The following LRMDA variants were observed in gnomAD, a reference collection of about 807,000 sequenced individuals.
The protein encoded by LRMDA is leucine-rich melanocyte differentiation-associated protein.
In LRMDA, 18 loss-of-function variants were observed where a neutral mutation model predicts 29.8. That is an observed-to-expected ratio of 0.60 (90% CI 0.42 to 0.90). The LOEUF is 0.90. LRMDA is among the 40% of genes least tolerant of loss of function. The pLI is 0.00. For missense variants in LRMDA, 273 were observed against 273.9 expected, an observed-to-expected ratio of 1.00 and a Z score of 0.02; for synonymous variants, 125 against 109.4, an observed-to-expected ratio of 1.14 and a Z score of -0.89.
At chr10:75,485,169 T>A (rs1207690248) in intron 2 of LRMDA, among the ~76,000 whole-genome samples, 2 of 152,316 alleles carry the variant, frequency 1.3e-5, no homozygotes, top group Non-Finnish European at 2.9e-5. Context: ...TGGACTTAGT[T>A]TTGATGATTT....
chr10:76,056,054 G>A (rs918355213), intron 4 of LRMDA, among the ~76,000 whole-genome samples: 1 of 152,222 alleles, frequency 6.6e-6, no homozygotes, highest in Admixed American at 6.5e-5. Context: ...GCACACAATT[G>A]GAGGGTGAGC....
rs191947416 is a variant in LRMDA at position 76,278,746 on chromosome 10, C to T, written c.517-45655C>T. ...CTATGGAACCTCCTCTGGCCTCTCCCTTCCTCCTGAAATACAGTAGTGTGT... is the reference window on the plus strand; with the variant it reads ...CTATGGAACCTCCTCTGGCCTCTCCTTTCCTCCTGAAATACAGTAGTGTGT... On this transcript the variant is annotated intron_variant, in intron 5 of 6. Coordinates refer to ENST00000611255, the MANE Select transcript of LRMDA (RefSeq NM_001305581.2). Among the ~76,000 whole-genome samples the T allele has an allele frequency of 4.7e-3, 716 of 152,324 alleles. 5 individuals carry two copies. Among genetic ancestry groups the T allele is most frequent in the South Asian group, 0.023 (112 of 4,826 alleles).
intron 6 of LRMDA, among the ~76,000 whole-genome samples, chr10:76,523,829 CT>C (rs1843146832): frequency 6.6e-6 from 1 of 152,166 alleles, no homozygotes; most frequent in South Asian, 2.1e-4. Context: ...CCAACTTTAA[CT>C]TTTGAAAAGC....
chr10:75,767,259 A>G (rs1843181862), intron 2 of LRMDA, among the ~76,000 whole-genome samples: 1 of 152,238 alleles, frequency 6.6e-6, no homozygotes, highest in African/African-American at 2.4e-5. Flanking sequence ...CACTCCTACC[A>G]ACAGTGTAAA....
At chr10:76,224,283 AG>A (rs1851907794) in intron 5 of LRMDA, among the ~76,000 whole-genome samples, 1 of 151,836 alleles carries the variant, frequency 6.6e-6, no homozygotes, top group Admixed American at 6.6e-5. Flanking sequence ...AAAAAAAAAA[AG>A]AATGGGGGCC....
At chr10:76,204,620 T>C (rs16933024) in intron 5 of LRMDA, among the ~76,000 whole-genome samples, 3,079 of 151,988 alleles carry the variant, frequency 0.02, 110 homozygotes, top group African/African-American at 0.071. Flanking sequence ...TTACGACTAA[T>C]CCCCAATTGT....
chr10:76,362,418 A>T (rs1027165244), intron 6 of LRMDA, among the ~76,000 whole-genome samples: 1 of 152,254 alleles, frequency 6.6e-6, no homozygotes, highest in South Asian at 2.1e-4. Context: ...TTATTTCAAT[A>T]GTTAAATTAA....
rs1290851648 is a variant in LRMDA, at chr10:76,364,682, CAAT to C, written c.601+40202_601+40204del. Among the ~76,000 whole-genome samples the C allele has an allele frequency of 3.3e-5, 5 of 151,996 alleles. No individual in the cohort carries two copies. The South Asian group carries it at 1.0e-3, about 32-fold the overall frequency. The stretch of plus-strand genomic sequence containing the variant: ...TGGCATAACTTGCTGAGTAAAGATG[CAAT>C]AATATGAAAACCTGGATGTTTAACT... On this transcript the variant is annotated intron_variant, in intron 6 of 6. Coordinates refer to ENST00000611255, the MANE Select transcript of LRMDA (RefSeq NM_001305581.2).
chr10:75,604,401 T>TGA (rs1840929256), intron 2 of LRMDA, among the ~76,000 whole-genome samples: 1 of 152,148 alleles, frequency 6.6e-6, no homozygotes, highest in Non-Finnish European at 1.5e-5. Context: ...ACACAAAAAT[T>TGA]CAATTTATTT....
chr10:75,573,756 G>C (rs771568354), intron 2 of LRMDA, among the ~76,000 whole-genome samples: 2 of 151,880 alleles, frequency 1.3e-5, no homozygotes, highest in African/African-American at 4.8e-5. Flanking sequence ...ATAGTGATTT[G>C]TTTCCTTGTG....
At chr10:75,681,822 G>T (rs79931515) in intron 2 of LRMDA, among the ~76,000 whole-genome samples, 1,783 of 152,254 alleles carry the variant, frequency 0.012, 45 homozygotes, top group African/African-American at 0.042. Flanking sequence ...CTTAGGTCAG[G>T]GTGCTGAGTT....
intron 2 of LRMDA, among the ~76,000 whole-genome samples, chr10:76,034,571 A>G (rs1053712473): frequency 3.3e-5 from 5 of 152,096 alleles, no homozygotes; most frequent in African/African-American, 1.2e-4. Context: ...TTAATTACTT[A>G]CAACACATTT....
At chr10:75,749,934 A>G (rs539975280) in intron 2 of LRMDA, among the ~76,000 whole-genome samples, 17 of 152,348 alleles carry the variant, frequency 1.1e-4, no homozygotes, top group African/African-American at 3.4e-4. Flanking sequence ...TTCAGAGAGC[A>G]CGGGGTTGGG....
intron 5 of LRMDA, among the ~76,000 whole-genome samples, chr10:76,186,939 G>A (rs1851161069): frequency 6.6e-6 from 1 of 152,188 alleles, no homozygotes; most frequent in African/African-American, 2.4e-5. Context: ...GGTATTTTTA[G>A]TGATTTTATG....
chr10:76,312,914 T>TA (rs1840647098), intron 5 of LRMDA, among the ~76,000 whole-genome samples: 1 of 151,984 alleles, frequency 6.6e-6, no homozygotes, highest in South Asian at 2.1e-4. Context: ...TCAAGAAACT[T>TA]AAAGTCCAGT....
At chr10:76,133,368 C>G (rs1223684099) in intron 5 of LRMDA, among the ~76,000 whole-genome samples, 1 of 151,970 alleles carries the variant, frequency 6.6e-6, no homozygotes, top group Non-Finnish European at 1.5e-5. Context: ...CAGATAATTG[C>G]TTGACAGCCT....
intron 5 of LRMDA, among the ~76,000 whole-genome samples, chr10:76,152,243 G>A (rs1404922563): frequency 6.6e-6 from 1 of 152,082 alleles, no homozygotes; most frequent in Admixed American, 6.5e-5. Context: ...GCCTATTCTT[G>A]GCATTTTATA....
chr10:75,744,414 A>G (rs1004220141), intron 2 of LRMDA, among the ~76,000 whole-genome samples: 1 of 152,216 alleles, frequency 6.6e-6, no homozygotes, highest in Non-Finnish European at 1.5e-5. Context: ...TCTTGTGTAT[A>G]AAAACACAGT....
chr10:75,559,489 T>G (rs532403638), intron 2 of LRMDA, among the ~76,000 whole-genome samples: 1,889 of 151,734 alleles, frequency 0.012, 36 homozygotes, highest in African/African-American at 0.043. Context: ...GGTTGCCTGT[T>G]CACTCTGATG....
Sources: allele counts gnomAD v4.1 joint callset (sites outside exome capture counted in the v4.1 genomes callset), GRCh38; gene constraint gnomAD v4.1.1; transcripts MANE v1.5; gene names NCBI Gene and HGNC (gene_info 2026-07-23, HGNC 2026-07-21).